The following SPAG16 variants were observed in gnomAD, a reference collection of about 807,000 sequenced individuals.
SPAG16 encodes the protein sperm-associated antigen 16 protein.
In SPAG16, 86 loss-of-function variants were observed where a neutral mutation model predicts 80.4. That is an observed-to-expected ratio of 1.07 (90% confidence interval 0.90 to 1.28). SPAG16 has a LOEUF of 1.28. Ranked by LOEUF, SPAG16 falls within the 50% of genes most tolerant of loss-of-function variation. The pLI is 0.00. For synonymous variants in SPAG16, 294 were observed against 265.9 expected (o/e 1.11, Z -1.03); for missense variants, 870 against 765.3 (o/e 1.14, Z -1.61).
At chr2:213,607,494 A>C (rs1188796571) in intron 10 of SPAG16, among the ~76,000 whole-genome samples, 1 of 152,246 alleles carries the variant, frequency 6.6e-6, no homozygotes, top group Non-Finnish European at 1.5e-5. Flanking sequence ...GTTAGTAAGA[A>C]CATTTTAAAA....
intron 9 of SPAG16, among the ~76,000 whole-genome samples, chr2:213,446,369 A>G (rs1041247365): frequency 6.6e-6 from 1 of 152,220 alleles, no homozygotes; most frequent in Non-Finnish European, 1.5e-5. Context: ...GAGTTTAAAG[A>G]TGGCATAGCC....
At position 213,802,038 on chromosome 2, in the gene SPAG16, A is replaced by G. The variant is rs570202091; in HGVS notation, c.1071-60447A>G. On this transcript the variant is annotated intron_variant, in intron 10 of 15. Coordinates refer to ENST00000331683, the MANE Select transcript of SPAG16 (RefSeq NM_024532.5). ...AACATTTTCAGGTCACCATCACACA[A>G]ATAATGTCTGAAAAGAACCTGAGAA... is the stretch of plus-strand genomic sequence containing the variant. Among the ~76,000 whole-genome samples, 145 of 152,276 alleles carry G rather than the reference A, an allele frequency of 9.5e-4. 1 individual carries two copies. Among genetic ancestry groups the G allele is most frequent in the African/African-American group, 3.3e-3 (138 of 41,528 alleles).
intron 13 of SPAG16, among the ~76,000 whole-genome samples, chr2:214,014,736 T>C (rs2047498672): frequency 6.6e-6 from 1 of 152,066 alleles, no homozygotes; most frequent in African/African-American, 2.4e-5. Context: ...CAAAACAAGA[T>C]CATGACGTAT....
chr2:213,926,768 AATTTT>A (rs2078500758), intron 11 of SPAG16, among the ~76,000 whole-genome samples: 2 of 152,240 alleles, frequency 1.3e-5, no homozygotes, highest in Admixed American at 1.3e-4. Flanking sequence ...GGTATTTGTT[AATTTT>A]ATTAGCTCAT....
intron 10 of SPAG16, among the ~76,000 whole-genome samples, chr2:213,811,891 A>G (rs901469145): frequency 4.6e-5 from 7 of 152,134 alleles, no homozygotes; most frequent in Non-Finnish European, 8.8e-5. Flanking sequence ...AGGTGGCTGG[A>G]TGACACGGGT....
intron 15 of SPAG16, among the ~76,000 whole-genome samples, chr2:214,249,211 A>T (rs897028186): frequency 6.6e-6 from 1 of 152,194 alleles, no homozygotes; most frequent in African/African-American, 2.4e-5. Context: ...ATTCAGACAG[A>T]TTGCCCACAA....
At chr2:213,296,632 C>T (rs2062509964) in intron 2 of SPAG16, among the ~76,000 whole-genome samples, 1 of 152,106 alleles carries the variant, frequency 6.6e-6, no homozygotes, top group African/African-American at 2.4e-5. Context: ...GTGAATGAAA[C>T]TGTGTGGAAA....
chr2:213,526,963 C>A (rs192501168), intron 10 of SPAG16, among the ~76,000 whole-genome samples: 1 of 152,230 alleles, frequency 6.6e-6, no homozygotes, highest in Admixed American at 6.5e-5. Context: ...AAGAAGGATC[C>A]AGTGCTCTGC....
chr2:213,347,100 T>C (rs1323927285), intron 6 of SPAG16, among the ~76,000 whole-genome samples: 1 of 152,228 alleles, frequency 6.6e-6, no homozygotes, highest in Non-Finnish European at 1.5e-5. Flanking sequence ...AACTTCTTCC[T>C]GGTTTAGTCT....
intron 15 of SPAG16, among the ~76,000 whole-genome samples, chr2:214,297,050 A>G (rs1240789296): frequency 6.6e-6 from 1 of 152,172 alleles, no homozygotes; most frequent in Admixed American, 6.5e-5. Flanking sequence ...ATGTATACCC[A>G]GCAGAACCAC....
intron 9 of SPAG16, among the ~76,000 whole-genome samples, chr2:213,428,238 G>C (rs1335598011): frequency 6.6e-6 from 1 of 152,166 alleles, no homozygotes; most frequent in Non-Finnish European, 1.5e-5. Flanking sequence ...CAATATAGGA[G>C]AGGGAGAAAA....
At chr2:213,408,228 C>A (rs887240600) in intron 9 of SPAG16, among the ~76,000 whole-genome samples, 1 of 152,172 alleles carries the variant, frequency 6.6e-6, no homozygotes, top group African/African-American at 2.4e-5. Flanking sequence ...CACTCCAATA[C>A]CACCTTGTTG....
At chr2:213,341,678 C>T (rs937234881) in intron 6 of SPAG16, among the ~76,000 whole-genome samples, 1 of 152,050 alleles carries the variant, frequency 6.6e-6, no homozygotes, top group African/African-American at 2.4e-5. Flanking sequence ...TCTACAGGTG[C>T]ATGCCACCAT....
chr2:213,495,123 G>A (rs1199533214), intron 10 of SPAG16, among the ~76,000 whole-genome samples: 1 of 152,152 alleles, frequency 6.6e-6, no homozygotes, highest in African/African-American at 2.4e-5. Flanking sequence ...TGGCAGAGAT[G>A]GGTAGATGCT....
At chr2:213,952,341 C>T (rs72950738) in intron 12 of SPAG16, among the ~76,000 whole-genome samples, 14 of 151,642 alleles carry the variant, frequency 9.2e-5, no homozygotes, top group Admixed American at 3.9e-4. Flanking sequence ...AACAAGGAGA[C>T]GTTTATAGAG....
rs1165644025 is a variant in SPAG16, at chr2:213,728,980, G to A, written c.1071-133505G>A. Reference sequence around the variant, plus strand: ...CTTGCATGGGTATAAGGAGAATGATGTACTGGAAAATGTCCCAAACTATTT... The same window carrying A: ...CTTGCATGGGTATAAGGAGAATGATATACTGGAAAATGTCCCAAACTATTT... On this transcript the variant is annotated intron_variant, in intron 10 of 15. Transcript: ENST00000331683. Among the ~76,000 whole-genome samples the A allele has an allele frequency of 4.1e-5, 6 of 145,994 alleles. No homozygotes were observed. In the East Asian group the frequency reaches 1.3e-3, roughly 31 times the overall value.
rs140114042 is a variant in SPAG16, at chr2:213,416,866, T to C, written c.942+41747T>C. On this transcript the variant is annotated intron_variant, in intron 9 of 15. Coordinates refer to ENST00000331683, the MANE Select transcript of SPAG16 (RefSeq NM_024532.5). ...ACCAATGTGGTCAGGAGGCAAAACA[T>C]AGGAGCAAGGGAAAAGGATTAGGCC... Among the ~76,000 whole-genome samples the C allele has an allele frequency of 3.6e-3, 547 of 152,242 alleles. 6 individuals carry two copies. The highest frequency in any genetic ancestry group is 0.012 in the African/African-American group (513 of 41,538).
At chr2:213,411,912 G>T (rs753158345) in intron 9 of SPAG16, among the ~76,000 whole-genome samples, 2 of 151,866 alleles carry the variant, frequency 1.3e-5, no homozygotes, top group Non-Finnish European at 2.9e-5. Context: ...AGAAAAAAAG[G>T]TTTGAAAAGA....
At chr2:214,073,363 G>T (rs897469428) in intron 13 of SPAG16, among the ~76,000 whole-genome samples, 2 of 151,496 alleles carry the variant, frequency 1.3e-5, no homozygotes, top group African/African-American at 2.4e-5. Context: ...TCAGCCTCCT[G>T]AGTAGCTGGG....
Sources: gnomAD v4.1 joint callset for allele counts (sites outside exome capture counted in the v4.1 genomes callset) on GRCh38, gnomAD v4.1.1 for gene constraint, MANE v1.5 for transcripts, NCBI Gene and HGNC (gene_info 2026-07-23, HGNC 2026-07-21) for gene names.